Variants in ANKRD24 observed in about 807,000 individuals in gnomAD.
ANKRD24 encodes ankyrin repeat domain 24.
A neutral mutation model predicts 127.8 loss-of-function variants in ANKRD24; 109 were observed. The ratio of observed to expected loss-of-function variants is 0.85; its 90% confidence interval spans 0.73 to 1.00. The LOEUF (loss-of-function observed/expected upper bound fraction) is 1.00. Among genes scored for constraint, ANKRD24 ranks in the 50% least tolerant of loss-of-function variants. The pLI is 0.00. For missense variants in ANKRD24, 1,648 were observed against 1,570.2 expected, an observed-to-expected ratio of 1.05 and a Z score of -0.84; for synonymous variants, 743 against 671.1, an observed-to-expected ratio of 1.11 and a Z score of -1.66.
At chr19:4,219,285 C>CAA (rs56770537) in intron 18 of ANKRD24, among the ~76,000 whole-genome samples, 58 of 148,342 alleles carry the variant, frequency 3.9e-4, no homozygotes, top group African/African-American at 9.9e-4. Context: ...GACTCTGTCT[C>CAA]AAAAAAAAAC....
rs775812232 is a variant in ANKRD24 at position 4,186,404 on chromosome 19, G to C, written c.-22G>C. On this transcript the variant is annotated 5_prime_UTR_variant, in exon 2 of 22. Transcript: ENST00000318934. Reference sequence around the variant, plus strand: ...GCCCTCCTCAGGTGGCCTGTGGAGAGGAGAAACACAGGGCACCAACTATGA... The same window carrying C: ...GCCCTCCTCAGGTGGCCTGTGGAGACGAGAAACACAGGGCACCAACTATGA... 2.5e-6 allele frequency: 4 copies of C among 1,581,906 alleles called. No individual in the cohort carries two copies. The highest frequency in any genetic ancestry group is 3.4e-6 in the Non-Finnish European group (4 of 1,164,094).
At chr19:4,192,973 CAG>C (rs921926385) in intron 2 of ANKRD24, among the ~76,000 whole-genome samples, 3 of 150,934 alleles carry the variant, frequency 2.0e-5, no homozygotes, top group African/African-American at 4.9e-5. Context: ...TGAGAGTAAA[CAG>C]AATATTTTTA....
rs1968854764 is a variant in ANKRD24 at position 4,198,062 on chromosome 19, G to C, written c.37-1621G>C. 2 of 416,640 alleles carry C rather than the reference G, an allele frequency of 4.8e-6. No individual in the cohort carries two copies. The highest frequency in any genetic ancestry group is 8.5e-6 in the Non-Finnish European group (2 of 234,860). 25.8% of individuals were successfully genotyped at this position (416,640 alleles called of 1,614,324 possible). On this transcript the variant is annotated intron_variant, in intron 2 of 21. Coordinates refer to ENST00000318934, the MANE Select transcript of ANKRD24 (RefSeq NM_001393985.1). The surrounding 1 kb of genome is among the most constrained non-coding windows in gnomAD (Gnocchi z 6.1). Reference sequence around the variant, plus strand: ...CGCGTGGAGGTGCGAGGCTGCGGACGTCGCGGGCCCGGAGGCACCTGCGCG... The same window carrying C: ...CGCGTGGAGGTGCGAGGCTGCGGACCTCGCGGGCCCGGAGGCACCTGCGCG...
intron 2 of ANKRD24, among the ~76,000 whole-genome samples, chr19:4,190,524 A>C (rs1227597877): frequency 9.2e-5 from 14 of 151,908 alleles, no homozygotes; most frequent in Admixed American, 9.2e-4. Context: ...CAGGAGTTCG[A>C]GACCAGCCTG....
rs748325142 is a variant in ANKRD24, at chr19:4,210,050, C to A, written c.871-8C>A. On this transcript the variant is annotated splice_polypyrimidine_tract_variant and splice_region_variant and intron_variant, in intron 11 of 21. Coordinates refer to ENST00000318934, the MANE Select transcript of ANKRD24 (RefSeq NM_001393985.1). ...GCCCCCTTCACTCTCTCTCCCCTCCCTTCCCAGAACTCTATGTCCAGCCAT... is the reference window on the plus strand; with the variant it reads ...GCCCCCTTCACTCTCTCTCCCCTCCATTCCCAGAACTCTATGTCCAGCCAT... 3 of 1,604,668 alleles carry A rather than the reference C, an allele frequency of 1.9e-6. No individual in the cohort carries two copies. Among genetic ancestry groups the A allele is most frequent in the South Asian group, 2.2e-5 (2 of 89,758 alleles).
Position 4,216,952 on chromosome 19 carries a change from G to T in ANKRD24, c.1792G>T (p.Glu598Ter). 1.2e-6 allele frequency: 2 copies of T among 1,612,172 alleles called. No individual in the cohort carries two copies. Among genetic ancestry groups the T allele is most frequent in the Non-Finnish European group, 1.7e-6 (2 of 1,179,234 alleles). ...TGAGGCCACAGGAGCCAAGGTCACAGAAACAAAACCCACAGGGGCTGAGGT... is the reference window on the plus strand; with the variant it reads ...TGAGGCCACAGGAGCCAAGGTCACATAAACAAAACCCACAGGGGCTGAGGT... Reference protein sequence around the residue: ...GAEATGAKVTETKPTGAEVRE... With the variant: ...GAEATGAKVT Residue 598 changes from glutamate (E) to a stop codon, truncating the protein, a stop_gained, in exon 18 of 22, where the codon GAA becomes TAA. Transcript: ENST00000318934. LOFTEE classifies it high-confidence loss of function.
intron 18 of ANKRD24, among the ~76,000 whole-genome samples, chr19:4,219,365 GC>G (rs1397083923): frequency 6.6e-6 from 1 of 152,092 alleles, no homozygotes; most frequent in Non-Finnish European, 1.5e-5. Context: ...TACTTGGAAG[GC>G]CGAGGTGGGA....
intron 5 of ANKRD24, 109 bp from the exon 6 acceptor site, chr19:4,201,917 G>A (rs970550067): frequency 7.4e-6 from 7 of 942,550 alleles, no homozygotes; most frequent in African/African-American, 4.9e-5. Context: ...TAGGGTTTAC[G>A]GACTTTGCTA....
intron 7 of ANKRD24, among the ~76,000 whole-genome samples, chr19:4,203,601 G>A (rs1001949688): frequency 6.6e-5 from 10 of 151,850 alleles, no homozygotes; most frequent in South Asian, 4.2e-4. Flanking sequence ...CTCCCACCTC[G>A]GCCACTCAAA....
chr19:4,211,445 C>A (rs865774170), intron 13 of ANKRD24, among the ~76,000 whole-genome samples: 1 of 151,770 alleles, frequency 6.6e-6, no homozygotes, highest in Non-Finnish European at 1.5e-5. Flanking sequence ...TCGAGACCAG[C>A]CTGGCCAACA....
chr19:4,210,773 A>ACCCCCCC (rs201183718), intron 13 of ANKRD24, among the ~76,000 whole-genome samples: 5 of 85,774 alleles, frequency 5.8e-5, no homozygotes, highest in African/African-American at 1.6e-4. Flanking sequence ...TTGTAACATC[A>ACCCCCCC]CCCCCCACCA....
In ANKRD24 at chr19:4,217,057, A is replaced by G. The variant is rs756568077; in HGVS notation, c.1897A>G (p.Thr633Ala). The change falls in exon 18 of 22, where the codon ACG (threonine) becomes GCG (alanine). Residue 633 changes from threonine to alanine, a missense_variant. By Grantham distance (58) the Thr-to-Ala change is moderately conservative. Coordinates refer to ENST00000318934, the MANE Select transcript of ANKRD24 (RefSeq NM_001393985.1). ...TGAQATDTETTGVEAMGVEAT... is the reference protein window; with the variant it reads ...TGAQATDTETAGVEAMGVEAT... ...AGCTCAGGCCACAGACACAGAGACC[A>G]CGGGAGTGGAGGCCATGGGGGTGGA... 5.6e-6 allele frequency: 9 copies of G among 1,613,876 alleles called. No individual in the cohort carries two copies. In the South Asian group the frequency reaches 9.9e-5, roughly 18 times the overall value.
At chr19:4,224,263 C>G in intron 21 of ANKRD24, 71 bp downstream of exon 21, 1 of 1,484,002 alleles carries the variant, frequency 6.7e-7, no homozygotes. Flanking sequence ...CCTCAGTTTC[C>G]CCTTCTGTAC....
intron 2 of ANKRD24, among the ~76,000 whole-genome samples, chr19:4,194,125 G>A (rs352510): frequency 0.66 from 100,140 of 151,912 alleles, 33,653 homozygotes; most frequent in Middle Eastern, 0.76. Context: ...GCTTGGCCCC[G>A]AAAAAACTTT....
chr19:4,208,515 T>G lies in ANKRD24; in HGVS notation c.833-249T>G, dbSNP rs550699459. On this transcript the variant is annotated intron_variant, in intron 10 of 21. Coordinates refer to ENST00000318934, the MANE Select transcript of ANKRD24 (RefSeq NM_001393985.1). ...CCAGGCTGGTCTCAAACTCCTGAAC[T>G]CAGGTGATTCACCCGCCTTGGCCTC... Among the ~76,000 whole-genome samples the G allele has an allele frequency of 2.0e-5, 3 of 152,136 alleles. No homozygotes were observed. In the South Asian group the frequency reaches 6.2e-4, roughly 32 times the overall value.
At chr19:4,212,132 G>A (rs182690154) in intron 13 of ANKRD24, among the ~76,000 whole-genome samples, 277 of 150,512 alleles carry the variant, frequency 1.8e-3, no homozygotes, top group Admixed American at 3.6e-3. Context: ...CCCAAGAGAC[G>A]CAGCTTGCAG....
intron 2 of ANKRD24, among the ~76,000 whole-genome samples, chr19:4,187,964 C>T (rs1357508918): frequency 6.6e-6 from 1 of 152,226 alleles, no homozygotes; most frequent in Non-Finnish European, 1.5e-5. Context: ...CAGGCAGATT[C>T]TCTTGGCAGG....
In ANKRD24 at chr19:4,212,602, G is replaced by C. The variant is rs779816859; in HGVS notation, c.1101G>C (p.Val367=). ...ASSLHILERQ[V]QELQQLLVER... is the part of the protein sequence containing the mutation. The stretch of plus-strand genomic sequence containing the variant: ...TGAGCCTCCACTGCTGCTCCCAGGT[G>C]CAAGAGCTACAGCAGTTGCTGGTGG... The change falls in exon 15 of 22, where the codon GTG becomes GTC. Residue 367 remains valine (V), a splice_region_variant and synonymous_variant. Coordinates refer to ENST00000318934, the MANE Select transcript of ANKRD24 (RefSeq NM_001393985.1). 6.4e-7 allele frequency: 1 copy of C among 1,550,718 alleles called. No homozygotes were observed. The highest frequency in any genetic ancestry group is 8.7e-7 in the Non-Finnish European group (1 of 1,146,928).
At chr19:4,203,100 T>C (rs962212665) in intron 7 of ANKRD24, among the ~76,000 whole-genome samples, 174 bp downstream of exon 7, 1 of 151,406 alleles carries the variant, frequency 6.6e-6, no homozygotes, top group Non-Finnish European at 1.5e-5. Context: ...CAGGCTGGAG[T>C]GCAGTGGCAA....
Sources: allele counts gnomAD v4.1 joint callset (sites outside exome capture counted in the v4.1 genomes callset), GRCh38; gene constraint gnomAD v4.1.1; non-coding constraint Gnocchi (gnomAD v3.1); transcripts MANE v1.5; gene names NCBI Gene and HGNC (gene_info 2026-07-23, HGNC 2026-07-21).